Variants in MEIS1 observed in about 807,000 individuals in gnomAD.
The protein encoded by MEIS1 is Meis homeobox 1.
In MEIS1, 5 loss-of-function variants were observed where a neutral mutation model predicts 50.8. The observed-to-expected ratio is 0.10, with a 90% CI of 0.05 to 0.21. The LOEUF is 0.21. Ranked by LOEUF, MEIS1 falls within the 10% of genes least tolerant of loss-of-function variation. MEIS1 has a pLI of 1.00. For synonymous variants in MEIS1, 176 were observed against 179.3 expected, an observed-to-expected ratio of 0.98 and a Z score of 0.15; for missense variants, 318 against 517.3, an observed-to-expected ratio of 0.61 and a Z score of 3.74.
Position 66,442,910 on chromosome 2 carries a change from A to C in MEIS1, c.492A>C (p.Glu164Asp). Residue 164 changes from glutamate to aspartate, a missense_variant, in exon 6 of 13, where the codon GAA becomes GAC. By Grantham distance (45) the Glu-to-Asp change is conservative (BLOSUM62 2). Coordinates refer to ENST00000272369, the MANE Select transcript of MEIS1 (RefSeq NM_002398.3). ...FHLLELEKVH[E>D]LCDNFCHRYI... ...TTTCTGTCATAATGTAGGTACACGAATTATGTGACAATTTCTGCCACCGGT... is the reference window on the plus strand; with the variant it reads ...TTTCTGTCATAATGTAGGTACACGACTTATGTGACAATTTCTGCCACCGGT... The C allele has an allele frequency of 6.3e-7, 1 of 1,590,558 alleles. No individual in the cohort carries two copies. Among genetic ancestry groups the C allele is most frequent in the South Asian group, 1.2e-5 (1 of 84,972 alleles).
chr2:66,568,725 C>T lies in MEIS1; in HGVS notation c.1083C>T (p.Asp361=), dbSNP rs73937957. The change falls in exon 11 of 13, where the codon GAC becomes GAT. Residue 361 remains aspartate, a synonymous_variant. Coordinates refer to ENST00000272369, the MANE Select transcript of MEIS1 (RefSeq NM_002398.3). ...AGCCCATGGGAGGTTTCGTAATGGACGGTCAGCAACATATGGGAATTAGAG... is the reference window on the plus strand; with the variant it reads ...AGCCCATGGGAGGTTTCGTAATGGATGGTCAGCAACATATGGGAATTAGAG... ...DGQPMGGFVM[D]GQQHMGIRAP... 1.2e-3 allele frequency: 1,864 copies of T among 1,613,700 alleles called. 19 individuals carry two copies. The African/African-American group carries it at 0.021, about 18-fold the overall frequency.
chr2:66,435,198 C>G lies in MEIS1; in HGVS notation c.-659C>G, dbSNP rs1573110606. On this transcript the variant is annotated 5_prime_UTR_variant, in exon 1 of 13. Transcript: ENST00000272369. The stretch of plus-strand genomic sequence containing the variant: ...ACGCACGGGGACTGCAAGCGGGCAG[C>G]ATCGATCGTGGCTCCTTTAAGACAA... 1 of 152,498 alleles carries G rather than the reference C, an allele frequency of 6.6e-6. No individual in the cohort carries two copies. The highest frequency in any genetic ancestry group is 1.5e-5 in the Non-Finnish European group (1 of 68,240). The allele number at this position is 152,498 out of a possible 1,614,324, so 9.4% of individuals were successfully genotyped here.
At position 66,504,037 on chromosome 2, in the gene MEIS1, G is replaced by A. The variant is rs370973914; in HGVS notation, c.743-8112G>A. Among the ~76,000 whole-genome samples, 180 of 151,946 alleles carry A rather than the reference G, an allele frequency of 1.2e-3. No homozygotes were observed. The Middle Eastern group carries it at 0.014, about 11-fold the overall frequency. The stretch of plus-strand genomic sequence containing the variant: ...TGGGATTACAAGTGTGAGCCACCGC[G>A]CCCAGCCCTATGAGGCATATTTTTA... On this transcript the variant is annotated intron_variant, in intron 7 of 12. Coordinates refer to ENST00000272369, the MANE Select transcript of MEIS1 (RefSeq NM_002398.3).
At chr2:66,547,547 A>C (rs1674820230) in intron 8 of MEIS1, among the ~76,000 whole-genome samples, 1 of 152,162 alleles carries the variant, frequency 6.6e-6, no homozygotes, top group African/African-American at 2.4e-5. Context: ...TGTTGGTCCA[A>C]ATGGGTCAGC....
At chr2:66,561,727 G>A (rs1675217075) in intron 9 of MEIS1, among the ~76,000 whole-genome samples, 1 of 152,152 alleles carries the variant, frequency 6.6e-6, no homozygotes, top group African/African-American at 2.4e-5. Context: ...GGTACTTGCA[G>A]ATGTTGTAAA....
intron 9 of MEIS1, among the ~76,000 whole-genome samples, chr2:66,563,061 G>A (rs1184051245): frequency 1.3e-5 from 2 of 152,144 alleles, no homozygotes; most frequent in Non-Finnish European, 2.9e-5. Flanking sequence ...TTTAATGAGT[G>A]AGCAAAACTG....
intron 6 of MEIS1, among the ~76,000 whole-genome samples, chr2:66,444,122 T>C (rs1372181910): frequency 2.0e-5 from 3 of 152,112 alleles, no homozygotes; most frequent in Non-Finnish European, 4.4e-5. Flanking sequence ...CCGTTGCGAA[T>C]TGTTGCAAGG....
chr2:66,454,886 T>C (rs1238097787), intron 6 of MEIS1: 1 of 152,072 alleles, frequency 6.6e-6, no homozygotes, highest in Non-Finnish European at 1.5e-5. Context: ...TCTCAAAAGA[T>C]AAATGAATAA....
At chr2:66,545,113 ATAAT>A (rs1674757353) in intron 8 of MEIS1, among the ~76,000 whole-genome samples, 1 of 152,228 alleles carries the variant, frequency 6.6e-6, no homozygotes, top group Admixed American at 6.5e-5. Context: ...AATGGTATAA[ATAAT>A]AATTTTTATC....
chr2:66,567,332 T>G, intron 9 of MEIS1, 121 bp from the exon 10 acceptor site: 1 of 991,494 alleles, frequency 1.0e-6, no homozygotes, highest in Non-Finnish European at 1.6e-6. Flanking sequence ...TGGAGAGAAC[T>G]GAAGGAGTCC....
At chr2:66,549,735 C>G (rs1010371162) in intron 9 of MEIS1, among the ~76,000 whole-genome samples, 1 of 151,966 alleles carries the variant, frequency 6.6e-6, no homozygotes, top group Non-Finnish European at 1.5e-5. Context: ...AGTTAAGAAA[C>G]GAAAAGCGCT....
At position 66,435,785 on chromosome 2, in the gene MEIS1, T is replaced by C; in HGVS notation, c.-72T>C. 4 of 1,177,408 alleles carry C rather than the reference T, an allele frequency of 3.4e-6. No individual in the cohort carries two copies. The South Asian group carries it at 6.1e-5, about 18-fold the overall frequency. The allele number at this position is 1,177,408 out of a possible 1,614,324, so 72.9% of individuals were successfully genotyped here. On this transcript the variant is annotated 5_prime_UTR_variant, in exon 1 of 13. Transcript: ENST00000272369. Reference sequence around the variant, plus strand: ...TTTTTTTTCCGGGGGAGTTTGAATATTTGTTTCTTTTCACACTGGCCTTAA... The same window carrying C: ...TTTTTTTTCCGGGGGAGTTTGAATACTTGTTTCTTTTCACACTGGCCTTAA...
chr2:66,457,161 A>ATT (rs5831810), intron 6 of MEIS1, among the ~76,000 whole-genome samples: 1 of 140,100 alleles, frequency 7.1e-6, no homozygotes. Flanking sequence ...ATTTCTAGGG[A>ATT]TTTTTTTTTT....
chr2:66,469,491 A>G (rs550888723), intron 7 of MEIS1, among the ~76,000 whole-genome samples: 1 of 152,302 alleles, frequency 6.6e-6, no homozygotes. Context: ...TATGTTCCAG[A>G]TGACTGAGTA....
intron 7 of MEIS1, among the ~76,000 whole-genome samples, chr2:66,473,405 T>TATATATATATAA (rs1672816522): frequency 8.2e-6 from 1 of 122,092 alleles, no homozygotes; most frequent in African/African-American, 4.4e-5. Context: ...AAAATATATA[T>TATATATATATAA]ATATATATAT....
intron 7 of MEIS1, among the ~76,000 whole-genome samples, chr2:66,476,448 G>T (rs535622381): frequency 5.2e-4 from 79 of 152,304 alleles, no homozygotes; most frequent in African/African-American, 1.9e-3. Flanking sequence ...TTAATTAAAT[G>T]TCCACTGCAT....
At position 66,464,176 on chromosome 2, in the gene MEIS1, G is replaced by T. The variant is rs767689616; in HGVS notation, c.698G>T (p.Ser233Ile). The T allele has an allele frequency of 1.9e-6, 3 of 1,605,700 alleles. No homozygotes were observed. Among genetic ancestry groups the T allele is most frequent in the Non-Finnish European group, 2.6e-6 (3 of 1,176,310 alleles). The change falls in exon 7 of 13, where the codon AGC becomes ATC. Residue 233 changes from serine to isoleucine, a missense_variant. By Grantham distance (142) the Ser-to-Ile change is moderately radical. Around this residue, in one of 6 missense-constraint regions of MEIS1, gnomAD observed 48 missense variants for 50.9 expected, o/e 0.94. Transcript: ENST00000272369. The part of the protein sequence containing the change: ...TRSGGTPGPS[S>I]GGHTSHSGDN... The stretch of plus-strand genomic sequence containing the variant: ...TCAGGAGGAACCCCAGGCCCTTCCA[G>T]CGGTGGCCACACGTCACACAGTGGG...
At chr2:66,559,154 T>TGAGAGA in intron 9 of MEIS1, among the ~76,000 whole-genome samples, 1 of 137,422 alleles carries the variant, frequency 7.3e-6, no homozygotes, top group East Asian at 2.2e-4. Context: ...AGAGAGAGAC[T>TGAGAGA]CTGTCTCAAA....
chr2:66,440,186 G>A lies in MEIS1; in HGVS notation c.381+202G>A, dbSNP rs1671933616. The A allele has an allele frequency of 2.1e-5, 13 of 626,358 alleles. No homozygotes were observed. In the South Asian group the frequency reaches 2.7e-4, roughly 13 times the overall value. The allele number at this position is 626,358 out of a possible 1,614,324, so 38.8% of individuals were successfully genotyped here. A position where few individuals can be genotyped will look rare whatever the true frequency, so the allele number is the denominator to read the frequency against. On this transcript the variant is annotated intron_variant, in intron 3 of 12. Transcript: ENST00000272369. The stretch of plus-strand genomic sequence containing the variant: ...TTTCTCTCTGTCTGAGTGTCTGTTT[G>A]CAGATAACTTAAAATCACCCATCTG...
Sources: gnomAD v4.1 joint callset for allele counts (sites outside exome capture counted in the v4.1 genomes callset) on GRCh38, gnomAD v4.1.1 for gene constraint, gnomAD v4.1.1 regional missense constraint, MANE v1.5 for transcripts, NCBI Gene and HGNC (gene_info 2026-07-23, HGNC 2026-07-21) for gene names.